Variants in FBXL7 observed in about 807,000 individuals in gnomAD.
The protein encoded by FBXL7 is F-box/LRR-repeat protein 7.
FBXL7 carries 12 observed loss-of-function variants against 38.3 expected under a neutral mutation model. The observed-to-expected ratio is 0.31, with a 90% CI of 0.20 to 0.51. FBXL7 has a LOEUF of 0.51. Among genes scored for constraint, FBXL7 ranks in the 20% least tolerant of loss-of-function variants. FBXL7 has a pLI of 0.98. For synonymous variants in FBXL7, 297 were observed against 300.9 expected (o/e 0.99, Z 0.13); for missense variants, 567 against 676.4 (o/e 0.84, Z 1.79).
chr5:15,649,113 C>T (rs1052433137), intron 2 of FBXL7, among the ~76,000 whole-genome samples: 1 of 152,172 alleles, frequency 6.6e-6, no homozygotes, highest in Admixed American at 6.5e-5. Context: ...TCTTGTGCCT[C>T]AGCCTCCCAA....
At chr5:15,574,673 G>T (rs1738899538) in intron 1 of FBXL7, among the ~76,000 whole-genome samples, 1 of 152,162 alleles carries the variant, frequency 6.6e-6, no homozygotes, top group Non-Finnish European at 1.5e-5. Context: ...GTAATGGAGA[G>T]AGTGAGAGAG....
At chr5:15,581,855 G>A (rs537053257) in intron 1 of FBXL7, among the ~76,000 whole-genome samples, 57 of 152,126 alleles carry the variant, frequency 3.7e-4, no homozygotes, top group Non-Finnish European at 8.8e-5. Flanking sequence ...TCAGATACCC[G>A]GCTCCCTCCC....
intron 2 of FBXL7, among the ~76,000 whole-genome samples, chr5:15,858,541 C>T (rs1306118597): frequency 6.6e-6 from 1 of 152,088 alleles, no homozygotes; most frequent in Non-Finnish European, 1.5e-5. Flanking sequence ...AAAGGACAGG[C>T]AATAAATGCT....
At chr5:15,682,328 C>A (rs542524075) in intron 2 of FBXL7, among the ~76,000 whole-genome samples, 20 of 152,174 alleles carry the variant, frequency 1.3e-4, no homozygotes, top group Non-Finnish European at 2.9e-4. Context: ...AATCACGTGA[C>A]CTTACTAACA....
intron 2 of FBXL7, among the ~76,000 whole-genome samples, chr5:15,835,531 C>T (rs916662129): frequency 6.6e-6 from 1 of 152,098 alleles, no homozygotes; most frequent in African/African-American, 2.4e-5. Context: ...GTCTACTAAG[C>T]GTTTTACTTG....
chr5:15,932,722 T>C (rs1391922961), intron 3 of FBXL7, among the ~76,000 whole-genome samples: 1 of 152,164 alleles, frequency 6.6e-6, no homozygotes, highest in African/African-American at 2.4e-5. Context: ...TCCATATCTA[T>C]TAATATATAT....
chr5:15,618,658 A>T (rs1003655448), intron 2 of FBXL7, among the ~76,000 whole-genome samples: 5 of 152,144 alleles, frequency 3.3e-5, no homozygotes, highest in Admixed American at 3.3e-4. Context: ...TAGAGGGTGG[A>T]TCTCAACTAT....
chr5:15,589,513 G>A (rs965299173), intron 1 of FBXL7, among the ~76,000 whole-genome samples: 1 of 152,092 alleles, frequency 6.6e-6, no homozygotes, highest in Admixed American at 6.6e-5. Context: ...TTCCTATACA[G>A]CCTGCAGAAC....
At chr5:15,575,118 C>G (rs1738915177) in intron 1 of FBXL7, among the ~76,000 whole-genome samples, 1 of 152,086 alleles carries the variant, frequency 6.6e-6, no homozygotes, top group Non-Finnish European at 1.5e-5. Flanking sequence ...ATACACAGGA[C>G]AGCATCCACA....
intron 1 of FBXL7, among the ~76,000 whole-genome samples, chr5:15,597,919 G>A (rs1236569428): frequency 6.6e-6 from 1 of 152,192 alleles, no homozygotes; most frequent in Non-Finnish European, 1.5e-5. Flanking sequence ...CTCCTAAGTT[G>A]TTATATTCAA....
intron 2 of FBXL7, among the ~76,000 whole-genome samples, chr5:15,645,057 T>C (rs996153549): frequency 6.6e-6 from 1 of 152,200 alleles, no homozygotes; most frequent in Non-Finnish European, 1.5e-5. Flanking sequence ...GCCAGGCAGT[T>C]TTAACCACAA....
At chr5:15,593,588 G>A (rs1739540468) in intron 1 of FBXL7, among the ~76,000 whole-genome samples, 1 of 152,028 alleles carries the variant, frequency 6.6e-6, no homozygotes, top group African/African-American at 2.4e-5. Flanking sequence ...AAGTTTGCTG[G>A]TGCAAAGATT....
At chr5:15,589,969 A>G (rs1388823905) in intron 1 of FBXL7, among the ~76,000 whole-genome samples, 1 of 152,186 alleles carries the variant, frequency 6.6e-6, no homozygotes, top group Non-Finnish European at 1.5e-5. Flanking sequence ...CTGTGTTTCT[A>G]AAAACAATGA....
At chr5:15,694,595 T>C (rs1251606153) in intron 2 of FBXL7, among the ~76,000 whole-genome samples, 1 of 152,168 alleles carries the variant, frequency 6.6e-6, no homozygotes, top group Non-Finnish European at 1.5e-5. Context: ...TTTTCCCAAA[T>C]AGGTACAGGC....
At chr5:15,564,425 C>G (rs1738506524) in intron 1 of FBXL7, among the ~76,000 whole-genome samples, 1 of 141,034 alleles carries the variant, frequency 7.1e-6, no homozygotes, top group Non-Finnish European at 1.6e-5. Context: ...TATGTGTATA[C>G]AATATGTTTA....
In FBXL7 at chr5:15,551,944, G is replaced by A. The variant is rs530086926; in HGVS notation, c.37+51231G>A. ...TGTCGTCTTGTTCTTATATGGTCTT[G>A]TGTATTTCATGGTTTTGGAGGAATT... On this transcript the variant is annotated intron_variant, in intron 1 of 3. Coordinates refer to ENST00000504595, the MANE Select transcript of FBXL7 (RefSeq NM_012304.5). Among the ~76,000 whole-genome samples, 130 of 152,210 alleles carry A rather than the reference G, an allele frequency of 8.5e-4. 1 individual carries two copies. Among genetic ancestry groups the A allele is most frequent in the African/African-American group, 2.6e-3 (108 of 41,514 alleles).
chr5:15,805,526 A>T (rs550299748), intron 2 of FBXL7, among the ~76,000 whole-genome samples: 1 of 152,264 alleles, frequency 6.6e-6, no homozygotes. Flanking sequence ...CCTAAGGGCC[A>T]GGTCAACACT....
At position 15,604,650 on chromosome 5, in the gene FBXL7, C is replaced by T. The variant is rs183645319; in HGVS notation, c.38-11333C>T. On this transcript the variant is annotated intron_variant, in intron 1 of 3. Transcript: ENST00000504595. ...GATTACAGGCCTGAGCCACCACGCC[C>T]AACAGATGACTTCTATTTAATTCTT... 5.1e-4 allele frequency among the ~76,000 whole-genome samples: 77 copies of T among 152,264 alleles called. 2 individuals are homozygous for T. The East Asian group carries it at 0.013, about 25-fold the overall frequency.
intron 2 of FBXL7, among the ~76,000 whole-genome samples, chr5:15,881,332 C>A (rs1740442992): frequency 6.6e-6 from 1 of 152,160 alleles, no homozygotes; most frequent in African/African-American, 2.4e-5. Context: ...CAGTACCATC[C>A]ACGTTGCTGC....
Sources: gnomAD v4.1 joint callset for allele counts (sites outside exome capture counted in the v4.1 genomes callset) on GRCh38, gnomAD v4.1.1 for gene constraint, MANE v1.5 for transcripts, NCBI Gene and HGNC (gene_info 2026-07-23, HGNC 2026-07-21) for gene names.